The following DPM1 variants were observed in gnomAD, a reference collection of about 807,000 sequenced individuals.
DPM1 encodes the protein dolichyl-phosphate mannosyltransferase subunit 1, catalytic, also known as dolichol-phosphate mannosyltransferase subunit 1.
DPM1 carries 27 observed loss-of-function variants against 39.0 expected under a neutral mutation model. The observed-to-expected ratio is 0.69, with a 90% confidence interval of 0.51 to 0.95. The LOEUF is 0.95. Among genes scored for constraint, DPM1 ranks in the 40% least tolerant of loss-of-function variants. The pLI, the probability that DPM1 is intolerant of heterozygous loss-of-function variation, is 0.00. For missense variants in DPM1, 307 were observed against 315.6 expected, an observed-to-expected ratio of 0.97 and a Z score of 0.21; for synonymous variants, 124 against 109.0, an observed-to-expected ratio of 1.14 and a Z score of -0.86.
chr20:50,950,112 T>C (rs567954396), intron 2 of DPM1, among the ~76,000 whole-genome samples: 1 of 152,242 alleles, frequency 6.6e-6, no homozygotes, highest in Admixed American at 6.5e-5. Context: ...TTTTATCTTT[T>C]GTGAATCTAC....
intron 3 of DPM1, 34 bp downstream of exon 3, chr20:50,948,595 G>A (rs1442493140): frequency 6.2e-7 from 1 of 1,606,744 alleles, no homozygotes; most frequent in Admixed American, 1.7e-5. Context: ...CAAGCAAGCA[G>A]CAGGTGTGAG....
intron 8 of DPM1, 22 bp from the exon 9 acceptor site, chr20:50,935,258 AACGTTAGTCTTT>A: frequency 7.2e-7 from 1 of 1,397,574 alleles, no homozygotes; most frequent in South Asian, 1.2e-5. Flanking sequence ...AAAAAAAAGT[AACGTTAGTCTTT>A]AAAAACAATT....
At chr20:50,955,420 T>C (rs1223092591) in intron 1 of DPM1, 135 bp from the exon 2 acceptor site, 5 of 682,336 alleles carry the variant, frequency 7.3e-6, no homozygotes, top group African/African-American at 7.2e-5. Flanking sequence ...ACTTCAATTA[T>C]CAAATGAAAT....
intron 5 of DPM1, among the ~76,000 whole-genome samples, chr20:50,942,953 G>A (rs1377396045): frequency 6.6e-6 from 1 of 152,188 alleles, no homozygotes; most frequent in African/African-American, 2.4e-5. Flanking sequence ...CTAGGCAGGT[G>A]GATCACTTGA....
At chr20:50,949,614 G>A (rs1336706480) in intron 2 of DPM1, among the ~76,000 whole-genome samples, 1 of 152,124 alleles carries the variant, frequency 6.6e-6, no homozygotes, top group African/African-American at 2.4e-5. Flanking sequence ...AGTTCTCACT[G>A]TGCCCTACGT....
chr20:50,953,427 T>C (rs1303703389), intron 2 of DPM1, among the ~76,000 whole-genome samples: 1 of 152,242 alleles, frequency 6.6e-6, no homozygotes, highest in African/African-American at 2.4e-5. Flanking sequence ...TAACATGGTT[T>C]CAATATCCTT....
chr20:50,958,089 A>G (rs1057394870), intron 1 of DPM1, among the ~76,000 whole-genome samples: 3 of 152,248 alleles, frequency 2.0e-5, no homozygotes, highest in African/African-American at 7.2e-5. Flanking sequence ...AAGAGTGGCC[A>G]ACCTTTCTAC....
intron 6 of DPM1, 117 bp downstream of exon 6, chr20:50,941,914 T>G (rs1245347437): frequency 1.6e-5 from 14 of 864,874 alleles, no homozygotes; most frequent in Non-Finnish European, 2.3e-5. Flanking sequence ...GAGTATTTAC[T>G]GGAAGTTATA....
At chr20:50,956,463 C>T (rs1601061352) in intron 1 of DPM1, among the ~76,000 whole-genome samples, 1 of 151,326 alleles carries the variant, frequency 6.6e-6, no homozygotes, top group South Asian at 2.1e-4. Flanking sequence ...GAGGCGGGGC[C>T]TGCAGTGAGC....
rs1221382995 is a variant in DPM1, at chr20:50,948,657, T to C, written c.267A>G (p.Leu89=). The stretch of plus-strand genomic sequence containing the variant: ...GTCCCAACTTTTTCTCTCGTGGTCT[T>C]AGAAGCTGTAGGAATAAGAAATAGC... ...EKIYGSDRIL[L]RPREKKLGLG... The change falls in exon 3 of 9, where the codon CTA becomes CTG. Residue 89 remains leucine, a synonymous_variant. Coordinates refer to ENST00000371588, the MANE Select transcript of DPM1 (RefSeq NM_003859.3). 1 of 1,613,820 alleles carries C rather than the reference T, an allele frequency of 6.2e-7. No homozygotes were observed. The highest frequency in any genetic ancestry group is 1.7e-5 in the Admixed American group (1 of 60,020).
At chr20:50,939,925 A>G (rs1349777081) in intron 7 of DPM1, among the ~76,000 whole-genome samples, 1 of 152,176 alleles carries the variant, frequency 6.6e-6, no homozygotes, top group East Asian at 1.9e-4. Flanking sequence ...GCCAACGCCC[A>G]TCCGCAATCA....
intron 1 of DPM1, among the ~76,000 whole-genome samples, chr20:50,957,824 C>G (rs1472682327): frequency 6.6e-6 from 1 of 152,212 alleles, no homozygotes; most frequent in Non-Finnish European, 1.5e-5. Context: ...ACCCACCCCC[C>G]ATCCCGGTTC....
chr20:50,938,373 T>C (rs1293651960), intron 7 of DPM1, among the ~76,000 whole-genome samples: 3 of 151,528 alleles, frequency 2.0e-5, no homozygotes, highest in Admixed American at 2.0e-4. Flanking sequence ...CAATGAGATT[T>C]AACTATTAAA....
rs1421358528 is a variant in DPM1 at position 50,948,666 on chromosome 20, T to C, written c.262-4A>G. ...TTTTCTCTCGTGGTCTTAGAAGCTG[T>C]AGGAATAAGAAATAGCATTTTACAC... On this transcript the variant is annotated splice_polypyrimidine_tract_variant and splice_region_variant and intron_variant, in intron 2 of 8. Coordinates refer to ENST00000371588, the MANE Select transcript of DPM1 (RefSeq NM_003859.3). The C allele has an allele frequency of 6.2e-7, 1 of 1,613,536 alleles. No individual in the cohort carries two copies. The highest frequency in any genetic ancestry group is 8.5e-7 in the Non-Finnish European group (1 of 1,179,414).
intron 5 of DPM1, among the ~76,000 whole-genome samples, chr20:50,943,157 AGAGT>A (rs1369855708): frequency 3.3e-5 from 5 of 152,178 alleles, no homozygotes; most frequent in African/African-American, 4.8e-5. Flanking sequence ...CCTGCATGAC[AGAGT>A]GAGATTCCAT....
intron 2 of DPM1, among the ~76,000 whole-genome samples, chr20:50,952,180 A>C (rs142725800): frequency 6.6e-6 from 1 of 152,294 alleles, no homozygotes; most frequent in East Asian, 1.9e-4. Context: ...GATTCACATA[A>C]AGTGCTTGCA....
chr20:50,948,872 T>G (rs748613421), intron 2 of DPM1, among the ~76,000 whole-genome samples: 12 of 152,164 alleles, frequency 7.9e-5, no homozygotes, highest in Admixed American at 2.0e-4. Context: ...TAACATTTTT[T>G]TTTTTTGAGA....
intron 8 of DPM1, among the ~76,000 whole-genome samples, chr20:50,935,769 G>A (rs1985097534): frequency 6.6e-6 from 1 of 152,018 alleles, no homozygotes; most frequent in South Asian, 2.1e-4. Context: ...TGTAATTCCT[G>A]GTCTTCTCTT....
Position 50,945,847 on chromosome 20 carries a change from A to C in DPM1, c.372T>G (p.His124Gln). ...GCTAATAAAGAAACATACCACTTAC[A>C]TGGTGTGAGAGATCAGCATCCATAA... ...IIIMDADLSH[H>Q]PKFIPEFIRK... The change falls in exon 4 of 9, where the codon CAT (histidine) becomes CAG (glutamine). Residue 124 changes from histidine (H) to glutamine (Q), a missense_variant and splice_region_variant. Physicochemically the swap from His to Gln is conservative, Grantham distance 24. Transcript: ENST00000371588. 6.2e-7 allele frequency: 1 copy of C among 1,613,068 alleles called. No individual in the cohort carries two copies. Among genetic ancestry groups the C allele is most frequent in the South Asian group, 1.1e-5 (1 of 91,068 alleles).
Sources: allele counts gnomAD v4.1 joint callset (sites outside exome capture counted in the v4.1 genomes callset), GRCh38; gene constraint gnomAD v4.1.1; transcripts MANE v1.5; gene names NCBI Gene and HGNC (gene_info 2026-07-23, HGNC 2026-07-21).